The following DDX52 variants were observed in gnomAD, a reference collection of about 807,000 sequenced individuals.
DDX52 encodes probable ATP-dependent RNA helicase DDX52.
DDX52 carries 59 observed loss-of-function variants against 76.1 expected under a neutral mutation model. The observed-to-expected ratio is 0.78, with a 90% confidence interval of 0.63 to 0.96. The LOEUF (loss-of-function observed/expected upper bound fraction) is 0.96. Ranked by LOEUF, DDX52 falls within the 40% of genes least tolerant of loss-of-function variation. The pLI is 0.00. For synonymous variants in DDX52, 231 were observed against 244.1 expected, an observed-to-expected ratio of 0.95 and a Z score of 0.50; for missense variants, 707 against 703.9, an observed-to-expected ratio of 1.00 and a Z score of -0.05.
rs2064390163 is a variant in DDX52 at position 37,613,443 on chromosome 17, G to A, written c.*853C>T. Reference sequence around the variant, plus strand: ...AGTATTCAAATAAAATATCTTAAATGGAAAGAGACAGGAAAGAACATGGTT... The same window carrying A: ...AGTATTCAAATAAAATATCTTAAATAGAAAGAGACAGGAAAGAACATGGTT... On this transcript the variant is annotated 3_prime_UTR_variant, in exon 15 of 15. Transcript: ENST00000617633. 1 of 152,158 alleles carries A rather than the reference G, an allele frequency of 6.6e-6. No individual in the cohort carries two copies. Among genetic ancestry groups the A allele is most frequent in the Non-Finnish European group, 1.5e-5 (1 of 68,018 alleles). 9.4% of individuals were successfully genotyped at this position (152,158 alleles called of 1,614,324 possible).
At chr17:37,617,151 C>T (rs1394253535) in intron 14 of DDX52, among the ~76,000 whole-genome samples, 3 of 152,234 alleles carry the variant, frequency 2.0e-5, no homozygotes, top group Non-Finnish European at 4.4e-5. Flanking sequence ...TACACTACCA[C>T]CACCAAGTAC....
chr17:37,643,188 G>A, intron 1 of DDX52, 146 bp downstream of exon 1: 1 of 742,974 alleles, frequency 1.3e-6, no homozygotes, highest in Non-Finnish European at 2.2e-6. Context: ...CAGGCAAGCC[G>A]AACACAAAAG....
At position 37,632,170 on chromosome 17, in the gene DDX52, A is replaced by C; in HGVS notation, c.546T>G (p.Asp182Glu). The change falls in exon 4 of 15, where the codon GAT (aspartate) becomes GAG (glutamate). Residue 182 changes from aspartate (D) to glutamate (E), a missense_variant. Coordinates refer to ENST00000617633, the MANE Select transcript of DDX52 (RefSeq NM_007010.5). The stretch of plus-strand genomic sequence containing the variant: ...TTGGCGTAGGCATTTGGAAACCTGC[A>C]TCTAGAATGTTCTGAAGTAGTCGAG... ...INSRLLQNIL[D>E]AGFQMPTPIQ... is the part of the protein sequence containing the mutation. 2.5e-6 allele frequency: 4 copies of C among 1,613,674 alleles called. No homozygotes were observed. Among genetic ancestry groups the C allele is most frequent in the Non-Finnish European group, 3.4e-6 (4 of 1,179,972 alleles).
intron 6 of DDX52, among the ~76,000 whole-genome samples, chr17:37,627,371 A>G (rs9903940): frequency 0.56 from 85,175 of 151,956 alleles, 26,999 homozygotes; most frequent in African/African-American, 0.86. Flanking sequence ...CACCACGCCC[A>G]GCTAATTTTT....
chr17:37,643,213 C>T, intron 1 of DDX52, 121 bp downstream of exon 1: 3 of 1,018,860 alleles, frequency 2.9e-6, no homozygotes, highest in Non-Finnish European at 4.3e-6. Context: ...CAAAATACCC[C>T]AAGGGTGGCG....
Position 37,613,770 on chromosome 17 carries a change from T to C in DDX52, c.*526A>G, listed in dbSNP as rs1171488988. 6.5e-6 allele frequency: 1 copy of C among 152,712 alleles called. No individual in the cohort carries two copies. Among genetic ancestry groups the C allele is most frequent in the Non-Finnish European group, 1.5e-5 (1 of 68,096 alleles). The allele number at this position is 152,712 out of a possible 1,614,324, so 9.5% of individuals were successfully genotyped here. ...AGGGGTATTTAATGTCAAGGCTTTATTTTGAATTTCTGTTCCAGATGCCTC... is the reference window on the plus strand; with the variant it reads ...AGGGGTATTTAATGTCAAGGCTTTACTTTGAATTTCTGTTCCAGATGCCTC... On this transcript the variant is annotated 3_prime_UTR_variant, in exon 15 of 15. Transcript: ENST00000617633.
At chr17:37,626,915 C>T in intron 6 of DDX52, 55 bp from the exon 7 acceptor site, 1 of 1,474,630 alleles carries the variant, frequency 6.8e-7, no homozygotes, top group Non-Finnish European at 9.4e-7. Context: ...CCCTCTTGAA[C>T]TAGGAATTAA....
At chr17:37,622,131 C>A (rs2030129806) in intron 9 of DDX52, among the ~76,000 whole-genome samples, 1 of 150,370 alleles carries the variant, frequency 6.7e-6, no homozygotes. Flanking sequence ...CTTTATTTTA[C>A]TGAGTTGAAT....
At chr17:37,622,921 G>A (rs2030176591) in intron 9 of DDX52, among the ~76,000 whole-genome samples, 1 of 152,184 alleles carries the variant, frequency 6.6e-6, no homozygotes. Context: ...ACAGCTCTAT[G>A]AGGTAGATAT....
intron 2 of DDX52, among the ~76,000 whole-genome samples, chr17:37,641,798 G>A (rs1214272668): frequency 6.6e-6 from 1 of 152,058 alleles, no homozygotes; most frequent in African/African-American, 2.4e-5. Flanking sequence ...ATTCAGCACT[G>A]ACAAGGACTT....
chr17:37,614,202 A>G lies in DDX52; in HGVS notation c.*94T>C, dbSNP rs2064398716. ...GTAGTTGATTTCAAATGTTTGGTAC[A>G]GGTGACTGTAAGACTTCAAGTATTC... On this transcript the variant is annotated 3_prime_UTR_variant, in exon 15 of 15. Coordinates refer to ENST00000617633, the MANE Select transcript of DDX52 (RefSeq NM_007010.5). 1 of 1,265,164 alleles carries G rather than the reference A, an allele frequency of 7.9e-7. No homozygotes were observed. The highest frequency in any genetic ancestry group is 2.1e-5 in the Admixed American group (1 of 46,514). The allele number at this position is 1,265,164 out of a possible 1,614,324, so 78.4% of individuals were successfully genotyped here. A position where few individuals can be genotyped will look rare whatever the true frequency, so the allele number is the denominator to read the frequency against.
rs774336602 is a variant in DDX52 at position 37,630,117 on chromosome 17, G to A, written c.660C>T (p.Ser220=). 8 of 1,613,788 alleles carry A rather than the reference G, an allele frequency of 5.0e-6. No homozygotes were observed. The Admixed American group carries it at 8.3e-5, about 17-fold the overall frequency. Residue 220 remains serine, a synonymous_variant, in exon 5 of 15, where the codon AGC becomes AGT. Transcript: ENST00000617633. ...GTTTCAGCTGCATTAAAATAGGAAT[G>A]CTAAAAGCTAATGTTTTTCCAGATC... ...PTGSGKTLAF[S]IPILMQLKQP...
Position 37,621,287 on chromosome 17 carries a change from A to G in DDX52, c.1351-10T>C. 1 of 1,602,270 alleles carries G rather than the reference A, an allele frequency of 6.2e-7. No individual in the cohort carries two copies. The highest frequency in any genetic ancestry group is 8.5e-7 in the Non-Finnish European group (1 of 1,175,852). On this transcript the variant is annotated splice_polypyrimidine_tract_variant and intron_variant, in intron 10 of 14. Transcript: ENST00000617633. Reference sequence around the variant, plus strand: ...GGACTGTGTTATCTCTCTGGTTAACAGAATATATATTAAATTGTTTTAGAA... The same window carrying G: ...GGACTGTGTTATCTCTCTGGTTAACGGAATATATATTAAATTGTTTTAGAA...
Position 37,633,373 on chromosome 17 carries a change from G to C in DDX52, c.332C>G (p.Ser111Cys), listed in dbSNP as rs1218316657. Residue 111 changes from serine (S) to cysteine (C), a missense_variant, in exon 3 of 15, where the codon TCT becomes TGT. Physicochemically the swap from Ser to Cys is moderately radical, Grantham distance 112 (BLOSUM62 -1). Coordinates refer to ENST00000617633, the MANE Select transcript of DDX52 (RefSeq NM_007010.5). The part of the protein sequence containing the change: ...EEGATIQWMS[S>C]VEAKIEDKKV... ...TTTGTCTTCAATCTTTGCTTCTACA[G>C]ATGACATCCACTGTATAGTAGCACC... is the stretch of plus-strand genomic sequence containing the variant. The C allele has an allele frequency of 1.9e-6, 3 of 1,610,742 alleles. No homozygotes were observed. In the East Asian group the frequency reaches 6.7e-5, roughly 36 times the overall value.
chr17:37,611,008 T>G lies in DDX52; in HGVS notation c.*3288A>C, dbSNP rs1373995682. The G allele has an allele frequency of 6.6e-6, 1 of 152,264 alleles. No homozygotes were observed. Among genetic ancestry groups the G allele is most frequent in the Non-Finnish European group, 1.5e-5 (1 of 68,044 alleles). 9.4% of individuals were successfully genotyped at this position (152,264 alleles called of 1,614,324 possible). A position where few individuals can be genotyped will look rare whatever the true frequency, so the allele number is the denominator to read the frequency against. ...ACAGACACAATAAAGTCAAGGATCATAGATGTGACCTCAGTTTGTCCTGGA... is the reference window on the plus strand; with the variant it reads ...ACAGACACAATAAAGTCAAGGATCAGAGATGTGACCTCAGTTTGTCCTGGA... On this transcript the variant is annotated 3_prime_UTR_variant, in exon 15 of 15. Coordinates refer to ENST00000617633, the MANE Select transcript of DDX52 (RefSeq NM_007010.5).
rs1225269659 is a variant in DDX52, at chr17:37,624,343, C to A, written c.1227+1G>T. On this transcript the variant is annotated splice_donor_variant, in intron 9 of 14. Transcript: ENST00000617633. LOFTEE classifies it high-confidence loss of function. Reference sequence around the variant, plus strand: ...AATTCAAGAAGGTAATACAAATATACCTTTTTAACAAGTTCTCTCACGGCC... The same window carrying A: ...AATTCAAGAAGGTAATACAAATATAACTTTTTAACAAGTTCTCTCACGGCC... 3 of 1,604,868 alleles carry A rather than the reference C, an allele frequency of 1.9e-6. No individual in the cohort carries two copies. Among genetic ancestry groups the A allele is most frequent in the Admixed American group, 1.7e-5 (1 of 59,064 alleles).
At chr17:37,622,139 A>ATC (rs2030130696) in intron 9 of DDX52, among the ~76,000 whole-genome samples, 1 of 140,496 alleles carries the variant, frequency 7.1e-6, no homozygotes, top group Non-Finnish European at 1.5e-5. Flanking sequence ...TACTGAGTTG[A>ATC]ATCTCTACTA....
intron 2 of DDX52, among the ~76,000 whole-genome samples, chr17:37,633,679 GT>G (rs1568608042): frequency 1.3e-5 from 2 of 151,200 alleles, no homozygotes; most frequent in East Asian, 3.9e-4. Context: ...AAGAAAAAAG[GT>G]TTTAATCTTG....
intron 2 of DDX52, among the ~76,000 whole-genome samples, chr17:37,634,358 G>A (rs2030830170): frequency 1.3e-5 from 2 of 151,926 alleles, no homozygotes; most frequent in Admixed American, 6.6e-5. Flanking sequence ...ACGGCCAGGT[G>A]CGGTGGCTCA....
Sources: gnomAD v4.1 joint callset for allele counts (sites outside exome capture counted in the v4.1 genomes callset) on GRCh38, gnomAD v4.1.1 for gene constraint, MANE v1.5 for transcripts, NCBI Gene and HGNC (gene_info 2026-07-23, HGNC 2026-07-21) for gene names.